Variants in UNC13C observed in about 807,000 individuals in gnomAD.
The protein encoded by UNC13C is unc-13 homolog C, also known as protein unc-13 homolog C.
Under a neutral mutation model 245.4 loss-of-function variants are expected in UNC13C, and 174 were observed. That is an observed-to-expected ratio of 0.71 (90% CI 0.63 to 0.80). The LOEUF is 0.80. UNC13C is among the 30% of genes least tolerant of loss of function. The pLI, the probability that UNC13C is intolerant of heterozygous loss-of-function variation, is 0.00. For missense variants in UNC13C, 2,829 were observed against 2,602.9 expected, an observed-to-expected ratio of 1.09 and a Z score of -1.89; for synonymous variants, 992 against 895.1, an observed-to-expected ratio of 1.11 and a Z score of -1.93.
chr15:53,990,786 T>C (rs896471444), intron 1 of UNC13C, among the ~76,000 whole-genome samples: 1 of 152,026 alleles, frequency 6.6e-6, no homozygotes, highest in Non-Finnish European at 1.5e-5. Flanking sequence ...GTCCCTATCA[T>C]GTAATTTCAG....
At chr15:54,569,583 T>G (rs989985557) in intron 30 of UNC13C, among the ~76,000 whole-genome samples, 1 of 151,884 alleles carries the variant, frequency 6.6e-6, no homozygotes, top group Non-Finnish European at 1.5e-5. Context: ...CATACATCTA[T>G]GTATGTTTGT....
intron 2 of UNC13C, among the ~76,000 whole-genome samples, chr15:54,031,918 G>A (rs1896374187): frequency 6.6e-6 from 1 of 152,144 alleles, no homozygotes; most frequent in South Asian, 2.1e-4. Context: ...CATACATTTT[G>A]CTTGTTACAA....
the UNC13C span, among the ~76,000 whole-genome samples, chr15:53,964,061 T>C: frequency 0.52 from 78,731 of 151,980 alleles, 20,560 homozygotes; most frequent in Middle Eastern, 0.56. Context: ...TACCCATTTT[T>C]TTTTTCCAGC....
chr15:54,487,222 A>G (rs1893461453), intron 19 of UNC13C, among the ~76,000 whole-genome samples: 1 of 152,122 alleles, frequency 6.6e-6, no homozygotes, highest in Non-Finnish European at 1.5e-5. Context: ...GTTTCTGCTG[A>G]GGAATTGTTT....
intron 19 of UNC13C, among the ~76,000 whole-genome samples, chr15:54,420,702 G>A (rs987603609): frequency 4.0e-5 from 6 of 151,062 alleles, no homozygotes; most frequent in Non-Finnish European, 7.4e-5. Context: ...TTTTCCCTTC[G>A]GCTTCATTTC....
chr15:54,028,515 G>A (rs757310590), intron 2 of UNC13C, among the ~76,000 whole-genome samples: 2 of 152,008 alleles, frequency 1.3e-5, no homozygotes, highest in South Asian at 2.1e-4. Flanking sequence ...AAATGACAGC[G>A]AGCCCATAGC....
At chr15:54,312,533 A>G (rs1480025435) in intron 13 of UNC13C, among the ~76,000 whole-genome samples, 1 of 151,844 alleles carries the variant, frequency 6.6e-6, no homozygotes, top group Non-Finnish European at 1.5e-5. Flanking sequence ...AAAAGATTCT[A>G]CATAATCCCC....
At chr15:54,412,352 G>T (rs1172405201) in intron 18 of UNC13C, among the ~76,000 whole-genome samples, 1 of 152,158 alleles carries the variant, frequency 6.6e-6, no homozygotes, top group African/African-American at 2.4e-5. Context: ...TCTTCACAAG[G>T]CAGGAGGAGA....
downstream of UNC13C, chr15:54,630,856 T>C (rs1901443687): frequency 6.6e-6 from 1 of 152,264 alleles, no homozygotes; most frequent in Middle Eastern, 3.4e-3. Context: ...CTCATGTTTT[T>C]TCACATCATG....
intron 4 of UNC13C, among the ~76,000 whole-genome samples, chr15:54,200,815 A>C (rs535264030): frequency 2.0e-5 from 3 of 152,196 alleles, no homozygotes; most frequent in East Asian, 3.9e-4. Context: ...ATACATAACA[A>C]AGATCAGAGC....
rs192539652 is a variant in UNC13C at position 54,235,380 on chromosome 15, C to G, written c.3150+272C>G. On this transcript the variant is annotated intron_variant, in intron 5 of 32. Transcript: ENST00000260323. ...ATAATTGGAGCAAAAAGAAATCACA[C>G]AGCATACCAAGCAAGTGAATAGGCT... Among the ~76,000 whole-genome samples, 3 of 152,242 alleles carry G rather than the reference C, an allele frequency of 2.0e-5. No homozygotes were observed. In the East Asian group the frequency reaches 5.8e-4, roughly 29 times the overall value.
At chr15:53,938,425 T>A in the UNC13C span, among the ~76,000 whole-genome samples, 2 of 151,472 alleles carry the variant, frequency 1.3e-5, no homozygotes, top group Non-Finnish European at 3.0e-5. Context: ...TAATAACACC[T>A]CACTGACAAT....
At chr15:54,450,714 C>A (rs1175714580) in intron 19 of UNC13C, among the ~76,000 whole-genome samples, 1 of 152,224 alleles carries the variant, frequency 6.6e-6, no homozygotes, top group Non-Finnish European at 1.5e-5. Flanking sequence ...ACCCCTTGCG[C>A]TTCCCGGTTG....
intron 13 of UNC13C, among the ~76,000 whole-genome samples, chr15:54,311,153 G>C (rs2039475044): frequency 6.6e-6 from 1 of 151,650 alleles, no homozygotes; most frequent in African/African-American, 2.4e-5. Flanking sequence ...CTGTTGCTCA[G>C]TTTCAGTATT....
the UNC13C span, among the ~76,000 whole-genome samples, chr15:53,845,137 A>AATACAGTG: frequency 3.3e-5 from 5 of 152,038 alleles, no homozygotes; most frequent in Non-Finnish European, 7.4e-5. Flanking sequence ...TAGCCTGGCC[A>AATACAGTG]ATACAGTGAA....
At chr15:54,020,453 TTTTTTTTTTTA>T (rs1895849911) in intron 2 of UNC13C, among the ~76,000 whole-genome samples, 1 of 132,544 alleles carries the variant, frequency 7.5e-6, no homozygotes, top group Non-Finnish European at 1.6e-5. Flanking sequence ...TTTTTTTTTT[TTTTTTTTTTTA>T]ATTAGAGATG....
chr15:53,926,126 T>G, the UNC13C span, among the ~76,000 whole-genome samples: 1 of 152,110 alleles, frequency 6.6e-6, no homozygotes, highest in Non-Finnish European at 1.5e-5. Context: ...TTTTGTTTTT[T>G]TTTTCAATGG....
At chr15:54,513,802 T>C (rs964857593) in intron 24 of UNC13C, among the ~76,000 whole-genome samples, 2 of 113,234 alleles carry the variant, frequency 1.8e-5, no homozygotes, top group Admixed American at 1.8e-4. Flanking sequence ...TTTTTCTAAA[T>C]ATTTTTTTTC....
intron 4 of UNC13C, among the ~76,000 whole-genome samples, chr15:54,233,712 C>T (rs1485935170): frequency 6.6e-6 from 1 of 152,136 alleles, no homozygotes. Flanking sequence ...TTAAGCTAAG[C>T]AGCAAGAACA....
Sources: gnomAD v4.1 joint callset for allele counts (sites outside exome capture counted in the v4.1 genomes callset) on GRCh38, gnomAD v4.1.1 for gene constraint, MANE v1.5 for transcripts, NCBI Gene and HGNC (gene_info 2026-07-23, HGNC 2026-07-21) for gene names.